CECR2: variants seen among roughly 807,000 people sequenced by gnomAD.
The protein encoded by CECR2 is CECR2 histone acetyl-lysine reader, also known as chromatin remodeling regulator CECR2.
In CECR2, 30 loss-of-function variants were observed where a neutral mutation model predicts 154.5. That is an observed-to-expected ratio of 0.19 (90% CI 0.15 to 0.26). The LOEUF (loss-of-function observed/expected upper bound fraction) is 0.26. Among genes scored for constraint, CECR2 ranks in the 10% least tolerant of loss-of-function variants. CECR2 has a pLI of 1.00. For synonymous variants in CECR2, 725 were observed against 683.7 expected (o/e 1.06, Z -0.94); for missense variants, 1,743 against 1,829.3 (o/e 0.95, Z 0.86).
intron 1 of CECR2, among the ~76,000 whole-genome samples, chr22:17,370,345 C>T (rs1442482801): frequency 6.8e-6 from 1 of 147,928 alleles, no homozygotes; most frequent in African/African-American, 2.5e-5. Context: ...GCGGGATTAA[C>T]TCGGACCGGG....
chr22:17,388,475 C>CA (rs1251020821), intron 1 of CECR2, among the ~76,000 whole-genome samples: 1 of 152,104 alleles, frequency 6.6e-6, no homozygotes, highest in African/African-American at 2.4e-5. Context: ...CCCATACCGG[C>CA]AGACTTCAGG....
rs375046067 is a variant in CECR2, at chr22:17,542,784, G to A, written c.2641G>A (p.Asp881Asn). 1.2e-6 allele frequency: 2 copies of A among 1,613,852 alleles called. No homozygotes were observed. Among genetic ancestry groups the A allele is most frequent in the African/African-American group, 2.7e-5 (2 of 74,900 alleles). ...GGTGCAGGGAGGGGACTCCATGATG[G>A]ACAGCCCAGAGATGATTGCGATGCA... is the stretch of plus-strand genomic sequence containing the variant. The part of the protein sequence containing the change: ...RGVQGGDSMM[D>N]SPEMIAMQQL... The change falls in exon 16 of 19, where the codon GAC (aspartate) becomes AAC (asparagine). Residue 881 changes from aspartate to asparagine, a missense_variant. By Grantham distance (23) the Asp-to-Asn change is conservative. Around this residue, in one of 4 missense-constraint regions of CECR2, gnomAD observed 1,250 missense variants for 1,192.1 expected, o/e 1.05. Transcript: ENST00000262608.
At chr22:17,514,479 A>G (rs1457315732) in intron 8 of CECR2, among the ~76,000 whole-genome samples, 1 of 152,182 alleles carries the variant, frequency 6.6e-6, no homozygotes, top group Non-Finnish European at 1.5e-5. Context: ...TCTTATCTGT[A>G]AAGCATTCCT....
At chr22:17,455,772 G>T (rs1158092309) in intron 1 of CECR2, among the ~76,000 whole-genome samples, 3 of 152,128 alleles carry the variant, frequency 2.0e-5, no homozygotes, top group Admixed American at 1.3e-4. Flanking sequence ...CAGCACGCCC[G>T]GCTAATTTTT....
intron 2 of CECR2, among the ~76,000 whole-genome samples, chr22:17,494,253 C>A (rs1430992218): frequency 6.6e-6 from 1 of 152,068 alleles, no homozygotes; most frequent in African/African-American, 2.4e-5. Context: ...TATGCCACCA[C>A]AACCGGCTAA....
chr22:17,387,145 A>G (rs57226053), intron 1 of CECR2, among the ~76,000 whole-genome samples: 8,277 of 152,182 alleles, frequency 0.054, 333 homozygotes, highest in African/African-American at 0.12. Context: ...GTTCTGTGTT[A>G]TGTTTAATAA....
chr22:17,404,902 G>A (rs1047202110), intron 1 of CECR2, among the ~76,000 whole-genome samples: 4 of 152,156 alleles, frequency 2.6e-5, no homozygotes, highest in African/African-American at 7.2e-5. Context: ...TTAGATTGGA[G>A]TTGTATTGAA....
Position 17,540,769 on chromosome 22 carries a change from C to T in CECR2, c.1853C>T (p.Thr618Ile), listed in dbSNP as rs1224251690. ...GFSHPLHCGG[T>I]PSQAPFLNQM... ...TCTCATCCCCTGCATTGTGGTGGGA[C>T]ACCCAGCCAGGCACCCTTTTTAAAC... The change falls in exon 14 of 19, where the codon ACA becomes ATA. Residue 618 changes from threonine (T) to isoleucine (I), a missense_variant. This residue lies in a region of CECR2 where 1,250 missense variants were observed against 1,192.1 expected (regional missense o/e 1.05). Transcript: ENST00000262608. 6.3e-7 allele frequency: 1 copy of T among 1,591,860 alleles called. No individual in the cohort carries two copies. Among genetic ancestry groups the T allele is most frequent in the Admixed American group, 1.8e-5 (1 of 56,344 alleles).
chr22:17,423,922 C>A (rs934047201), intron 1 of CECR2, among the ~76,000 whole-genome samples: 1 of 152,172 alleles, frequency 6.6e-6, no homozygotes, highest in African/African-American at 2.4e-5. Flanking sequence ...AACCGGAATC[C>A]CATTTAGCAT....
chr22:17,461,933 C>G (rs2075094223), intron 1 of CECR2, among the ~76,000 whole-genome samples: 1 of 151,832 alleles, frequency 6.6e-6, no homozygotes, highest in Non-Finnish European at 1.5e-5. Context: ...GCTGGGACTA[C>G]AGGTGCGCAC....
chr22:17,521,878 G>C (rs60416958), intron 8 of CECR2, among the ~76,000 whole-genome samples: 2,712 of 152,254 alleles, frequency 0.018, 83 homozygotes, highest in African/African-American at 0.062. Context: ...GGTTTTTATG[G>C]TTTTAGGTTT....
At chr22:17,450,394 C>T (rs1027008500) in intron 1 of CECR2, among the ~76,000 whole-genome samples, 9 of 152,200 alleles carry the variant, frequency 5.9e-5, no homozygotes, top group African/African-American at 2.2e-4. Flanking sequence ...CCTCAGCCTC[C>T]TGAGTAGCTG....
At chr22:17,481,049 T>TGAAAAAAAAAAAAAAAAAAAAAAA (rs1555915490) in intron 2 of CECR2, among the ~76,000 whole-genome samples, 1 of 92,066 alleles carries the variant, frequency 1.1e-5, no homozygotes. Context: ...CTTTTTTTTT[T>TGAAAAAAAAAAAAAAAAAAAAAAA]AAAAAAAAAA....
At chr22:17,536,651 C>A (rs2056441889) in intron 9 of CECR2, among the ~76,000 whole-genome samples, 1 of 152,170 alleles carries the variant, frequency 6.6e-6, no homozygotes, top group Non-Finnish European at 1.5e-5. Context: ...GTTTAAAATC[C>A]TGTGTGTGTA....
In CECR2 at chr22:17,441,372, C is replaced by T. The variant is rs552096237; in HGVS notation, c.127-36216C>T. 2.6e-4 allele frequency among the ~76,000 whole-genome samples: 40 copies of T among 152,310 alleles called. 1 individual carries two copies. The highest frequency in any genetic ancestry group is 6.8e-3 in the Middle Eastern group (2 of 294). ...TATAGGAGGAATATGATGGAACGCA[C>T]AGCTGTGATACTGTACTAGGCTGAT... On this transcript the variant is annotated intron_variant, in intron 1 of 18. Coordinates refer to ENST00000262608, the MANE Select transcript of CECR2 (RefSeq NM_001290047.2).
intron 1 of CECR2, among the ~76,000 whole-genome samples, chr22:17,376,235 G>T (rs1347796583): frequency 4.6e-5 from 7 of 152,202 alleles, no homozygotes; most frequent in African/African-American, 7.2e-5. Context: ...TGGTGTGTGT[G>T]TGTGTGCCCA....
chr22:17,525,152 G>C (rs1366673707), intron 9 of CECR2, among the ~76,000 whole-genome samples: 4 of 150,170 alleles, frequency 2.7e-5, no homozygotes, highest in Admixed American at 1.3e-4. Flanking sequence ...GGGCGTGGTG[G>C]GGCATGCCTG....
chr22:17,491,005 C>G (rs2055519604), intron 2 of CECR2, among the ~76,000 whole-genome samples: 1 of 152,138 alleles, frequency 6.6e-6, no homozygotes, highest in African/African-American at 2.4e-5. Flanking sequence ...TGGCTTTTTT[C>G]ACTTAGAGTT....
At chr22:17,399,923 C>T (rs550866204) in intron 1 of CECR2, among the ~76,000 whole-genome samples, 1 of 152,312 alleles carries the variant, frequency 6.6e-6, no homozygotes, top group African/African-American at 2.4e-5. Flanking sequence ...TTGGACCTCA[C>T]ATTTAATGAT....
Sources: allele counts gnomAD v4.1 joint callset (sites outside exome capture counted in the v4.1 genomes callset), GRCh38; gene constraint gnomAD v4.1.1; regional missense constraint gnomAD v4.1.1; transcripts MANE v1.5; gene names NCBI Gene and HGNC (gene_info 2026-07-23, HGNC 2026-07-21).